Variants in FER observed in about 807,000 individuals in gnomAD.
The protein encoded by FER is tyrosine-protein kinase Fer.
Under a neutral mutation model 111.0 loss-of-function variants are expected in FER, and 63 were observed. The ratio of observed to expected loss-of-function variants is 0.57; its 90% confidence interval spans 0.46 to 0.70. FER has a LOEUF of 0.70. Ranked by LOEUF, FER falls within the 30% of genes least tolerant of loss-of-function variation. The probability of loss-of-function intolerance (pLI) is 0.00; values close to 1 mark genes in which losing one functional copy is unlikely to be tolerated. For synonymous variants in FER, 327 were observed against 313.9 expected (o/e 1.04, Z -0.44); for missense variants, 914 against 954.0 (o/e 0.96, Z 0.55).
chr5:108,849,448 G>A (rs1388954069), intron 5 of FER, among the ~76,000 whole-genome samples: 1 of 145,706 alleles, frequency 6.9e-6, no homozygotes, highest in African/African-American at 2.6e-5. Flanking sequence ...CCCATCTGGT[G>A]GTGGTTTTGT....
chr5:108,876,611 G>A (rs941244274), intron 8 of FER, among the ~76,000 whole-genome samples: 1 of 152,170 alleles, frequency 6.6e-6, no homozygotes, highest in Non-Finnish European at 1.5e-5. Context: ...TATTGAATTA[G>A]ATGAAGAAAC....
At chr5:108,903,506 A>G (rs1472769091) in intron 10 of FER, among the ~76,000 whole-genome samples, 1 of 152,176 alleles carries the variant, frequency 6.6e-6, no homozygotes, top group Non-Finnish European at 1.5e-5. Flanking sequence ...CTCTACTAAA[A>G]ATACAAAGAT....
chr5:108,887,956 C>T (rs962421993), intron 9 of FER, among the ~76,000 whole-genome samples: 7 of 151,702 alleles, frequency 4.6e-5, no homozygotes, highest in African/African-American at 9.7e-5. Flanking sequence ...ATTGTCTTAA[C>T]CTGTTTTATA....
At chr5:108,791,745 A>G (rs1755405101) in intron 2 of FER, among the ~76,000 whole-genome samples, 1 of 152,174 alleles carries the variant, frequency 6.6e-6, no homozygotes, top group South Asian at 2.1e-4. Flanking sequence ...TGTATCTAAG[A>G]AACCATTGCC....
At chr5:108,894,741 G>A (rs1048381017) in intron 9 of FER, 1 of 193,836 alleles carries the variant, frequency 5.2e-6, no homozygotes, top group Non-Finnish European at 1.1e-5. Context: ...GGTGGAAGGT[G>A]CAGGGGAAGC....
At chr5:109,094,051 G>C (rs1156596795) in intron 16 of FER, among the ~76,000 whole-genome samples, 2 of 152,108 alleles carry the variant, frequency 1.3e-5, no homozygotes, top group Non-Finnish European at 2.9e-5. Flanking sequence ...GTGGCAAACA[G>C]TGGGTTGTGA....
chr5:108,909,181 A>T (rs1285823309), intron 10 of FER, among the ~76,000 whole-genome samples: 3 of 152,164 alleles, frequency 2.0e-5, no homozygotes, highest in African/African-American at 7.2e-5. Context: ...TATGACATTA[A>T]TTTCTTTAAC....
intron 17 of FER, among the ~76,000 whole-genome samples, chr5:109,109,419 C>G (rs1056226377): frequency 6.6e-6 from 1 of 152,094 alleles, no homozygotes. Context: ...TCCATGAGGA[C>G]ATTGACTTTA....
intron 17 of FER, among the ~76,000 whole-genome samples, chr5:109,124,761 G>T (rs1268703063): frequency 1.3e-5 from 2 of 151,664 alleles, no homozygotes; most frequent in Admixed American, 6.6e-5. Flanking sequence ...TAAGATAGAA[G>T]TTGGGCCGGG....
chr5:109,055,726 G>T (rs1011253930), intron 16 of FER, among the ~76,000 whole-genome samples: 4 of 149,448 alleles, frequency 2.7e-5, no homozygotes, highest in African/African-American at 9.9e-5. Context: ...GGTTGAGTCT[G>T]CAGTGAGCTG....
At chr5:109,173,404 A>G (rs1224887515) in intron 17 of FER, among the ~76,000 whole-genome samples, 2 of 152,248 alleles carry the variant, frequency 1.3e-5, no homozygotes, top group African/African-American at 4.8e-5. Flanking sequence ...TGGTTGAGGC[A>G]TCCAAGCCAC....
At chr5:108,998,987 C>T (rs1764362898) in intron 13 of FER, among the ~76,000 whole-genome samples, 1 of 152,156 alleles carries the variant, frequency 6.6e-6, no homozygotes. Context: ...TTGTTTCAAA[C>T]ATGAAAAAAT....
chr5:108,864,292 C>T (rs1036733764), intron 5 of FER, among the ~76,000 whole-genome samples: 9 of 152,050 alleles, frequency 5.9e-5, no homozygotes, highest in East Asian at 1.9e-4. Context: ...TCTGTTTATA[C>T]GATGTGGATG....
intron 11 of FER, among the ~76,000 whole-genome samples, chr5:108,947,123 G>A (rs975351922): frequency 4.0e-5 from 6 of 151,892 alleles, no homozygotes; most frequent in Non-Finnish European, 7.4e-5. Flanking sequence ...GTTTCAGCTT[G>A]TTGGCTATTA....
intron 12 of FER, among the ~76,000 whole-genome samples, chr5:108,956,683 G>T (rs757449577): frequency 1.3e-5 from 2 of 151,546 alleles, no homozygotes; most frequent in Non-Finnish European, 3.0e-5. Flanking sequence ...AAATGCCTCA[G>T]GTTTTCTGCT....
chr5:109,161,793 G>A (rs1756017750), intron 17 of FER, among the ~76,000 whole-genome samples: 1 of 152,098 alleles, frequency 6.6e-6, no homozygotes, highest in African/African-American at 2.4e-5. Context: ...ACCCCAATGT[G>A]ATTGCTTGGT....
intron 17 of FER, among the ~76,000 whole-genome samples, chr5:109,144,726 C>T (rs1255222070): frequency 6.6e-6 from 1 of 152,008 alleles, no homozygotes; most frequent in Non-Finnish European, 1.5e-5. Context: ...GAGATGTTAC[C>T]AAATGTTGTT....
At chr5:108,942,751 C>T (rs1756445244) in intron 10 of FER, among the ~76,000 whole-genome samples, 1 of 152,016 alleles carries the variant, frequency 6.6e-6, no homozygotes, top group Admixed American at 6.6e-5. Flanking sequence ...ACATTATGAG[C>T]TGTAATGTAG....
chr5:109,169,022 A>C (rs1261655655), intron 17 of FER, among the ~76,000 whole-genome samples: 1 of 152,218 alleles, frequency 6.6e-6, no homozygotes, highest in Non-Finnish European at 1.5e-5. Flanking sequence ...AGAGACCAAA[A>C]GGACACATGT....
Sources: allele counts gnomAD v4.1 joint callset (sites outside exome capture counted in the v4.1 genomes callset), GRCh38; gene constraint gnomAD v4.1.1; transcripts MANE v1.5; gene names NCBI Gene and HGNC (gene_info 2026-07-23, HGNC 2026-07-21).